Variants in EXOC4 observed in about 807,000 individuals in gnomAD.
The protein encoded by EXOC4 is SEC8-like 1.
A neutral mutation model predicts 107.2 loss-of-function variants in EXOC4; 71 were observed. The observed-to-expected ratio is 0.66, with a 90% CI of 0.55 to 0.81. EXOC4 has a LOEUF of 0.81. Ranked by LOEUF, EXOC4 falls within the 30% of genes least tolerant of loss-of-function variation. The pLI is 0.00. For missense variants in EXOC4, 1,108 were observed against 1,189.6 expected (o/e 0.93, Z 1.01); for synonymous variants, 456 against 441.2 (o/e 1.03, Z -0.42).
At chr7:133,537,301 C>G (rs933609168) in intron 9 of EXOC4, among the ~76,000 whole-genome samples, 4 of 148,772 alleles carry the variant, frequency 2.7e-5, no homozygotes, top group Non-Finnish European at 5.9e-5. Context: ...CAGGCACCCC[C>G]CCCCCCACCA....
intron 13 of EXOC4, among the ~76,000 whole-genome samples, chr7:133,936,536 A>G (rs968383101): frequency 3.9e-5 from 6 of 152,224 alleles, no homozygotes; most frequent in Non-Finnish European, 8.8e-5. Context: ...TGGGTCTTAC[A>G]GAAAACTCTC....
intron 9 of EXOC4, among the ~76,000 whole-genome samples, chr7:133,508,014 C>T (rs1433039034): frequency 6.6e-6 from 1 of 151,850 alleles, no homozygotes; most frequent in South Asian, 2.1e-4. Context: ...GAACCAAGAT[C>T]GCGCCATTGC....
At position 134,064,370 on chromosome 7, in the gene EXOC4, C is replaced by T; in HGVS notation, c.2767C>T (p.Leu923=). ...VVDQGVKYTE[L]EYIHALTLLH... ...GGACCAGGGTGTGAAGTACACGGAGCTGGAGTACATCCACGCTCTGACCCT... is the reference window on the plus strand; with the variant it reads ...GGACCAGGGTGTGAAGTACACGGAGTTGGAGTACATCCACGCTCTGACCCT... Residue 923 remains leucine, a synonymous_variant, in exon 18 of 18, where the codon CTG becomes TTG. Coordinates refer to ENST00000253861, the MANE Select transcript of EXOC4 (RefSeq NM_021807.4). 1.9e-6 allele frequency: 3 copies of T among 1,575,768 alleles called. No individual in the cohort carries two copies. The highest frequency in any genetic ancestry group is 2.6e-6 in the Non-Finnish European group (3 of 1,157,830).
intron 11 of EXOC4, among the ~76,000 whole-genome samples, chr7:133,889,436 T>C (rs1434133733): frequency 6.6e-6 from 1 of 150,826 alleles, no homozygotes; most frequent in African/African-American, 2.4e-5. Context: ...TTTTTTTTAA[T>C]TATACTTTAA....
At chr7:133,467,589 T>TC (rs1421331787) in intron 7 of EXOC4, among the ~76,000 whole-genome samples, 1 of 151,508 alleles carries the variant, frequency 6.6e-6, no homozygotes, top group Non-Finnish European at 1.5e-5. Context: ...AGATTCTTTT[T>TC]TTTTTTTTTT....
At chr7:133,550,365 C>T (rs914046253) in intron 9 of EXOC4, among the ~76,000 whole-genome samples, 2 of 152,204 alleles carry the variant, frequency 1.3e-5, no homozygotes, top group Middle Eastern at 3.4e-3. Context: ...AAATATCAGG[C>T]CCTGTTTAGA....
Position 134,052,268 on chromosome 7 carries a change from T to C in EXOC4, c.2688-12023T>C, listed in dbSNP as rs573325141. On this transcript the variant is annotated intron_variant, in intron 17 of 17. Transcript: ENST00000253861. ...TGGGGTTTGTTTCTTGATTTGTTTT[T>C]CCAAAATGGGAGAAGGAGGATGTTT... is the stretch of plus-strand genomic sequence containing the variant. Among the ~76,000 whole-genome samples, 9 of 152,256 alleles carry C rather than the reference T, an allele frequency of 5.9e-5. 1 individual carries two copies. In the South Asian group the frequency reaches 1.9e-3, roughly 32 times the overall value.
At chr7:133,784,496 TG>T (rs745329404) in intron 10 of EXOC4, among the ~76,000 whole-genome samples, 2 of 152,136 alleles carry the variant, frequency 1.3e-5, no homozygotes, top group Admixed American at 6.5e-5. Context: ...TCTTCCTCTC[TG>T]GGGTCCGTTC....
chr7:133,294,160 C>T (rs1315680439), intron 3 of EXOC4, among the ~76,000 whole-genome samples: 2 of 152,114 alleles, frequency 1.3e-5, no homozygotes, highest in Non-Finnish European at 2.9e-5. Context: ...TTCTAATGTA[C>T]AAAGAGTGAT....
intron 10 of EXOC4, among the ~76,000 whole-genome samples, chr7:133,773,166 A>G (rs1796278843): frequency 1.3e-5 from 2 of 151,888 alleles, no homozygotes; most frequent in Admixed American, 6.6e-5. Context: ...TGAAAACCAT[A>G]CTATTTTATG....
chr7:133,837,688 T>C (rs2151245203), intron 11 of EXOC4, among the ~76,000 whole-genome samples: 2 of 152,302 alleles, frequency 1.3e-5, no homozygotes, highest in Middle Eastern at 6.8e-3. Flanking sequence ...CGTGAAGCTG[T>C]TTTTCCAGTG....
At chr7:134,090,965 C>T in the EXOC4 span, among the ~76,000 whole-genome samples, 1 of 151,838 alleles carries the variant, frequency 6.6e-6, no homozygotes, top group South Asian at 2.1e-4. Context: ...CCATTCTTTA[C>T]CCAGGTATAT....
intron 7 of EXOC4, among the ~76,000 whole-genome samples, chr7:133,412,537 C>T (rs1005650800): frequency 1.3e-5 from 2 of 151,764 alleles, no homozygotes; most frequent in Admixed American, 6.6e-5. Context: ...AATCCCAAAC[C>T]GCCATGAAAA....
At chr7:133,855,128 AAT>A (rs1160792457) in intron 11 of EXOC4, among the ~76,000 whole-genome samples, 666 of 64,710 alleles carry the variant, frequency 0.01, 8 homozygotes, top group East Asian at 0.02. Flanking sequence ...TATATATATA[AAT>A]ATATATATAT....
At chr7:133,677,305 A>G (rs1585072476) in intron 10 of EXOC4, among the ~76,000 whole-genome samples, 2 of 152,106 alleles carry the variant, frequency 1.3e-5, no homozygotes, top group Non-Finnish European at 2.9e-5. Flanking sequence ...TACCAAATCC[A>G]TGGGTCAAAG....
intron 10 of EXOC4, among the ~76,000 whole-genome samples, chr7:133,727,001 CA>C (rs1281378930): frequency 2.0e-5 from 3 of 152,156 alleles, no homozygotes; most frequent in Non-Finnish European, 2.9e-5. Context: ...TAAATGAAGA[CA>C]AATAAGGCGT....
In EXOC4 at chr7:133,482,461, A is replaced by G. The variant is rs187866638; in HGVS notation, c.1417+2323A>G. The stretch of plus-strand genomic sequence containing the variant: ...CTAGTGGCAGATTCTTTATGCTTGT[A>G]TGAGTGAGAATGGAGAGCACTCTGC... On this transcript the variant is annotated intron_variant, in intron 9 of 17. Transcript: ENST00000253861. Among the ~76,000 whole-genome samples, 480 of 152,270 alleles carry G rather than the reference A, an allele frequency of 3.2e-3. 6 individuals are homozygous for G. Among genetic ancestry groups the G allele is most frequent in the Middle Eastern group, 0.01 (3 of 294 alleles).
chr7:133,980,632 T>A (rs1315804915), intron 14 of EXOC4, among the ~76,000 whole-genome samples: 1 of 152,246 alleles, frequency 6.6e-6, no homozygotes, highest in East Asian at 1.9e-4. Flanking sequence ...TCATATCCTT[T>A]TACTTAGCGA....
intron 10 of EXOC4, among the ~76,000 whole-genome samples, chr7:133,791,838 A>G (rs1796708791): frequency 6.6e-6 from 1 of 152,200 alleles, no homozygotes; most frequent in South Asian, 2.1e-4. Context: ...AACCTTTATG[A>G]GTGAAAATGC....
Sources: gnomAD v4.1 joint callset for allele counts (sites outside exome capture counted in the v4.1 genomes callset) on GRCh38, gnomAD v4.1.1 for gene constraint, MANE v1.5 for transcripts, NCBI Gene and HGNC (gene_info 2026-07-23, HGNC 2026-07-21) for gene names.